SLC9A9: variants seen among roughly 807,000 people sequenced by gnomAD.
SLC9A9 encodes the protein sodium/hydrogen exchanger 9.
A neutral mutation model predicts 77.8 loss-of-function variants in SLC9A9; 62 were observed. The ratio of observed to expected loss-of-function variants is 0.80; its 90% CI spans 0.65 to 0.98. The LOEUF (loss-of-function observed/expected upper bound fraction) is 0.98, where lower values mean the gene tolerates loss of function less well. SLC9A9 is among the 50% of genes least tolerant of loss of function. The pLI is 0.00. For synonymous variants in SLC9A9, 320 were observed against 283.5 expected (o/e 1.13, Z -1.29); for missense variants, 775 against 774.9 (o/e 1.00, Z 0.00).
intron 14 of SLC9A9, among the ~76,000 whole-genome samples, chr3:143,327,083 A>T (rs1416514756): frequency 6.6e-6 from 1 of 150,840 alleles, no homozygotes; most frequent in East Asian, 1.9e-4. Context: ...TTCTGAGAGT[A>T]CAGCCAGGAG....
intron 9 of SLC9A9, among the ~76,000 whole-genome samples, chr3:143,530,079 A>G (rs1268875969): frequency 6.6e-6 from 1 of 152,170 alleles, no homozygotes; most frequent in African/African-American, 2.4e-5. Flanking sequence ...TGTAGCATGC[A>G]CTGTACTGAG....
chr3:143,518,251 G>C (rs1399068379), intron 9 of SLC9A9: 3 of 1,566,072 alleles, frequency 1.9e-6, no homozygotes, highest in Non-Finnish European at 2.6e-6. Flanking sequence ...GGTGGGCGAA[G>C]CTCAGGGGCT....
At chr3:143,560,191 G>C (rs141477177) in intron 8 of SLC9A9, among the ~76,000 whole-genome samples, 10 of 152,322 alleles carry the variant, frequency 6.6e-5, no homozygotes, top group African/African-American at 2.4e-4. Context: ...GTTTGGGGTA[G>C]AGCCCCCAAT....
intron 9 of SLC9A9, among the ~76,000 whole-genome samples, chr3:143,524,333 A>C (rs976664082): frequency 2.0e-5 from 3 of 152,136 alleles, no homozygotes; most frequent in African/African-American, 7.2e-5. Flanking sequence ...GATCAAGATT[A>C]ATAGACTTCT....
intron 6 of SLC9A9, among the ~76,000 whole-genome samples, 172 bp from the exon 7 acceptor site, chr3:143,578,895 C>T (rs1017532003): frequency 2.6e-5 from 4 of 152,158 alleles, no homozygotes; most frequent in African/African-American, 7.2e-5. Context: ...AGAAATCTTT[C>T]TGCTTCCTTA....
chr3:143,618,147 T>A lies in SLC9A9; in HGVS notation c.755+34108A>T, dbSNP rs116357997. Among the ~76,000 whole-genome samples, 1,351 of 152,190 alleles carry A rather than the reference T, an allele frequency of 8.9e-3. 20 individuals carry two copies. The highest frequency in any genetic ancestry group is 0.032 in the African/African-American group (1,313 of 41,514). ...AGGAGATCTTGGAGTGCTGGAACCG[T>A]GGGAGGAAAAGCATTAATATAGACC... On this transcript the variant is annotated intron_variant, in intron 6 of 15. Transcript: ENST00000316549.
chr3:143,428,358 C>T (rs2034444900), intron 12 of SLC9A9, among the ~76,000 whole-genome samples: 1 of 151,944 alleles, frequency 6.6e-6, no homozygotes, highest in African/African-American at 2.4e-5. Context: ...CAGAGAAATG[C>T]AAATCAAAAC....
intron 7 of SLC9A9, among the ~76,000 whole-genome samples, chr3:143,574,958 TAAG>T (rs2037332305): frequency 1.3e-5 from 2 of 152,076 alleles, no homozygotes; most frequent in Admixed American, 1.3e-4. Flanking sequence ...CCCTGACAAA[TAAG>T]GAGATGTGAT....
intron 12 of SLC9A9, among the ~76,000 whole-genome samples, chr3:143,417,309 C>T (rs2034213095): frequency 6.6e-6 from 1 of 152,070 alleles, no homozygotes. Flanking sequence ...TGAAATTTGC[C>T]TTCCCCCCAA....
intron 9 of SLC9A9, among the ~76,000 whole-genome samples, chr3:143,540,546 T>C (rs182161611): frequency 4.3e-4 from 66 of 152,072 alleles, no homozygotes; most frequent in Admixed American, 2.3e-3. Context: ...AATGGATTAG[T>C]GATAAAAGGA....
chr3:143,628,449 T>G (rs966114715), intron 6 of SLC9A9, among the ~76,000 whole-genome samples: 3 of 152,160 alleles, frequency 2.0e-5, no homozygotes, highest in Non-Finnish European at 4.4e-5. Context: ...TGAATACTGT[T>G]CCAAAAGTGA....
intron 6 of SLC9A9, among the ~76,000 whole-genome samples, chr3:143,645,325 C>G (rs2038686758): frequency 6.6e-6 from 1 of 152,078 alleles, no homozygotes; most frequent in Non-Finnish European, 1.5e-5. Flanking sequence ...TTTTTATAAC[C>G]AAACCCTATA....
intron 14 of SLC9A9, among the ~76,000 whole-genome samples, chr3:143,308,029 G>A (rs953069949): frequency 5.9e-5 from 9 of 152,136 alleles, no homozygotes; most frequent in Non-Finnish European, 1.2e-4. Context: ...TCAGAAGAAG[G>A]GAAATCCCAA....
chr3:143,560,485 T>C (rs993547093), intron 8 of SLC9A9, among the ~76,000 whole-genome samples: 5 of 152,224 alleles, frequency 3.3e-5, no homozygotes, highest in Admixed American at 1.3e-4. Flanking sequence ...TTTAAAATTA[T>C]ATTTTTGTGT....
rs565716198 is a variant in SLC9A9, at chr3:143,610,072, C to T, written c.756-31349G>A. Among the ~76,000 whole-genome samples the T allele has an allele frequency of 7.2e-5, 11 of 152,272 alleles. No homozygotes were observed. The South Asian group carries it at 2.3e-3, about 32-fold the overall frequency. ...CAAGCACCAAAGTTTGATGGCTGAG[C>T]TTCATAATATATTTTCATATCTGAT... is the stretch of plus-strand genomic sequence containing the variant. On this transcript the variant is annotated intron_variant, in intron 6 of 15. Coordinates refer to ENST00000316549, the MANE Select transcript of SLC9A9 (RefSeq NM_173653.4).
chr3:143,559,361 G>A (rs2037042524), intron 8 of SLC9A9, among the ~76,000 whole-genome samples: 2 of 152,304 alleles, frequency 1.3e-5, no homozygotes, highest in South Asian at 4.1e-4. Flanking sequence ...CAAAACACAA[G>A]CACTATCCTA....
intron 4 of SLC9A9, among the ~76,000 whole-genome samples, chr3:143,697,758 T>G (rs1284947845): frequency 6.6e-6 from 1 of 151,942 alleles, no homozygotes; most frequent in East Asian, 1.9e-4. Flanking sequence ...GATTACTTAT[T>G]TACTCCAAAT....
intron 6 of SLC9A9, among the ~76,000 whole-genome samples, chr3:143,597,766 A>G (rs943220369): frequency 8.5e-5 from 13 of 152,334 alleles, no homozygotes; most frequent in African/African-American, 2.9e-4. Context: ...TTTTACACTT[A>G]CTGGCAGGCA....
At chr3:143,331,440 C>T (rs1014992791) in intron 14 of SLC9A9, among the ~76,000 whole-genome samples, 6 of 152,140 alleles carry the variant, frequency 3.9e-5, no homozygotes, top group African/African-American at 1.4e-4. Flanking sequence ...TGCTAGCATT[C>T]AATTATTTCC....
Sources: gnomAD v4.1 joint callset for allele counts (sites outside exome capture counted in the v4.1 genomes callset) on GRCh38, gnomAD v4.1.1 for gene constraint, MANE v1.5 for transcripts, NCBI Gene and HGNC (gene_info 2026-07-23, HGNC 2026-07-21) for gene names.